The following COBLL1 variants were observed in gnomAD, a reference collection of about 807,000 sequenced individuals.
COBLL1 encodes cordon-bleu WH2 repeat protein like 1.
In COBLL1, 50 loss-of-function variants were observed where a neutral mutation model predicts 94.8. The ratio of observed to expected loss-of-function variants is 0.53; its 90% CI spans 0.42 to 0.67. COBLL1 has a LOEUF of 0.67. Among genes scored for constraint, COBLL1 ranks in the 30% least tolerant of loss-of-function variants. COBLL1 has a pLI of 0.00. For missense variants in COBLL1, 1,362 were observed against 1,348.7 expected (o/e 1.01, Z -0.15); for synonymous variants, 448 against 473.8 (o/e 0.95, Z 0.71).
chr2:164,753,387 T>C (rs6432803), intron 2 of COBLL1, among the ~76,000 whole-genome samples: 41,275 of 151,706 alleles, frequency 0.27, 6,055 homozygotes, highest in East Asian at 0.4. Flanking sequence ...CAATAATCCA[T>C]AGTCCCATCA....
chr2:164,709,078 G>A (rs921592287), intron 7 of COBLL1, among the ~76,000 whole-genome samples: 1 of 152,148 alleles, frequency 6.6e-6, no homozygotes, highest in Non-Finnish European at 1.5e-5. Context: ...CATAACTAAA[G>A]ACAGAATAAC....
chr2:164,828,095 G>C (rs115732846), intron 2 of COBLL1, among the ~76,000 whole-genome samples: 1,713 of 152,174 alleles, frequency 0.011, 12 homozygotes, highest in Middle Eastern at 0.048. Context: ...TTGGTTAATG[G>C]CTATAAAAAT....
In COBLL1 at chr2:164,699,414, G is replaced by C; in HGVS notation, c.1546C>G (p.Gln516Glu). The part of the protein sequence containing the change: ...IRNLKSLGPN[Q>E]ENVVQNEIIV... ...AATTTATATAACTCACCATTCTCTTGGTTTGGGCCCAACGACTTCAAGTTT... is the reference window on the plus strand; with the variant it reads ...AATTTATATAACTCACCATTCTCTTCGTTTGGGCCCAACGACTTCAAGTTT... Residue 516 changes from glutamine (Q) to glutamate (E), a missense_variant, in exon 11 of 14, where the codon CAA becomes GAA. By Grantham distance (29) the Gln-to-Glu change is conservative. Transcript: ENST00000652658. 6.2e-7 allele frequency: 1 copy of C among 1,603,314 alleles called. No homozygotes were observed. Among genetic ancestry groups the C allele is most frequent in the East Asian group, 2.2e-5 (1 of 44,754 alleles).
intron 10 of COBLL1, 53 bp from the exon 11 acceptor site, chr2:164,699,552 T>TACACAC (rs139984226): frequency 1.0e-6 from 1 of 966,020 alleles, no homozygotes; most frequent in Non-Finnish European, 1.7e-6. Context: ...AACACACACA[T>TACACAC]ACACACACAC....
At chr2:164,790,208 A>G (rs954845522) in intron 2 of COBLL1, among the ~76,000 whole-genome samples, 1 of 152,098 alleles carries the variant, frequency 6.6e-6, no homozygotes, top group Non-Finnish European at 1.5e-5. Context: ...AAAGATGTGC[A>G]TGTCAGGTTC....
At chr2:164,662,682 G>A (rs1171031829) in intron 2 of COBLL1, among the ~76,000 whole-genome samples, 1 of 152,088 alleles carries the variant, frequency 6.6e-6, no homozygotes, top group Non-Finnish European at 1.5e-5. Context: ...TTGGTGCTGG[G>A]TTAGCATTAT....
chr2:164,695,544 T>C lies in COBLL1; in HGVS notation c.1848A>G (p.Lys616=), dbSNP rs1683895597. The C allele has an allele frequency of 1.2e-6, 2 of 1,613,998 alleles. No individual in the cohort carries two copies. The highest frequency in any genetic ancestry group is 4.5e-5 in the East Asian group (2 of 44,850). The change falls in exon 12 of 14, where the codon AAA becomes AAG. Residue 616 remains lysine, a synonymous_variant. Coordinates refer to ENST00000652658, the MANE Select transcript of COBLL1 (RefSeq NM_001365672.2). ...TTPSCNSFDG[K]HQDHNLSDSK... Reference sequence around the variant, plus strand: ...AGTCAGATAAATTATGATCTTGGTGTTTCCCATCAAAACTGTTACAAGAAG... The same window carrying C: ...AGTCAGATAAATTATGATCTTGGTGCTTCCCATCAAAACTGTTACAAGAAG...
chr2:164,715,194 A>AT (rs1273339782), intron 7 of COBLL1, among the ~76,000 whole-genome samples: 1 of 152,184 alleles, frequency 6.6e-6, no homozygotes, highest in Non-Finnish European at 1.5e-5. Context: ...TATGTATTAT[A>AT]TCTAGGAAAG....
At chr2:164,735,685 G>A (rs1459464699) in intron 3 of COBLL1, among the ~76,000 whole-genome samples, 1 of 152,136 alleles carries the variant, frequency 6.6e-6, no homozygotes, top group Non-Finnish European at 1.5e-5. Context: ...CGCTTGAATA[G>A]AGCTCAGAAT....
chr2:164,820,963 A>G (rs927948411), intron 2 of COBLL1, among the ~76,000 whole-genome samples: 1 of 152,002 alleles, frequency 6.6e-6, no homozygotes, highest in Non-Finnish European at 1.5e-5. Context: ...TCTTGTCTCA[A>G]TGCAACCTCC....
chr2:164,710,621 G>C (rs1158737360), intron 7 of COBLL1, among the ~76,000 whole-genome samples: 1 of 148,450 alleles, frequency 6.7e-6, no homozygotes, highest in African/African-American at 2.5e-5. Flanking sequence ...CTGGAGTACA[G>C]TGGTGCGATC....
At chr2:164,822,726 A>T (rs1233600243) in intron 2 of COBLL1, among the ~76,000 whole-genome samples, 1 of 74,556 alleles carries the variant, frequency 1.3e-5, no homozygotes, top group Non-Finnish European at 2.8e-5. Context: ...CTCTGAAAAG[A>T]TTATATTATA....
intron 11 of COBLL1, among the ~76,000 whole-genome samples, chr2:164,699,067 T>C (rs1684099672): frequency 7.0e-6 from 1 of 142,364 alleles, no homozygotes; most frequent in Non-Finnish European, 1.5e-5. Flanking sequence ...ATTTTTAAGA[T>C]CCAAAGTCTA....
chr2:164,841,769 C>T lies in COBLL1; in HGVS notation c.-110G>A. ...CTCCCTCGCGGCTTCCTCTCCTACT[C>T]TTCCCTTCCCCGGCCCGCGCTCTTG... On this transcript the variant is annotated 5_prime_UTR_variant, in exon 1 of 14. Coordinates refer to ENST00000652658, the MANE Select transcript of COBLL1 (RefSeq NM_001365672.2). The surrounding 1 kb of genome is among the most constrained non-coding windows in gnomAD (Gnocchi z 5.5). 3 of 558,564 alleles carry T rather than the reference C, an allele frequency of 5.4e-6. No homozygotes were observed. 34.6% of individuals were successfully genotyped at this position (558,564 alleles called of 1,614,324 possible).
chr2:164,790,085 T>A (rs1683108820), intron 2 of COBLL1, among the ~76,000 whole-genome samples: 1 of 152,244 alleles, frequency 6.6e-6, no homozygotes, highest in Admixed American at 6.5e-5. Flanking sequence ...ATAATATTAA[T>A]GAGAATAGAA....
At position 164,841,659 on chromosome 2, in the gene COBLL1, C is replaced by G. The variant is rs1053971147; in HGVS notation, c.-51+51G>C. 9 of 360,826 alleles carry G rather than the reference C, an allele frequency of 2.5e-5. No individual in the cohort carries two copies. The highest frequency in any genetic ancestry group is 4.7e-5 in the Admixed American group (1 of 21,078). The allele number at this position is 360,826 out of a possible 1,614,324, so 22.4% of individuals were successfully genotyped here. ...CAAAACGCCCTAGGAAAACTTTTCC[C>G]GAAGAGAAGTTGGGAGGGCTGATCT... On this transcript the variant is annotated intron_variant, in intron 1 of 13. Transcript: ENST00000652658. This position sits in a 1 kb window ranked among gnomAD's most constrained non-coding sequence, Gnocchi z 5.5.
intron 2 of COBLL1, among the ~76,000 whole-genome samples, chr2:164,788,035 T>C (rs355909): frequency 0.53 from 80,186 of 151,996 alleles, 22,856 homozygotes; most frequent in African/African-American, 0.75. Context: ...TCATACTTTT[T>C]GCACAGGTTA....
rs1029288434 is a variant in COBLL1, at chr2:164,801,305, A to G, written c.41+39851T>C. The stretch of plus-strand genomic sequence containing the variant: ...ATACAAAAAATTAGCCGGGCGTGGT[A>G]GCGGGCGCCTGTAGTCCCAGCTACT... On this transcript the variant is annotated intron_variant, in intron 2 of 13. Coordinates refer to ENST00000652658, the MANE Select transcript of COBLL1 (RefSeq NM_001365672.2). 4.0e-5 allele frequency among the ~76,000 whole-genome samples: 6 copies of G among 150,578 alleles called. 1 individual carries two copies. The highest frequency in any genetic ancestry group is 2.1e-4 in the South Asian group (1 of 4,732).
At chr2:164,782,499 A>G (rs1688764772) in intron 2 of COBLL1, among the ~76,000 whole-genome samples, 1 of 152,154 alleles carries the variant, frequency 6.6e-6, no homozygotes. Context: ...GAAAAAGCAG[A>G]TTAGTAGATG....
Sources: allele counts gnomAD v4.1 joint callset (sites outside exome capture counted in the v4.1 genomes callset), GRCh38; gene constraint gnomAD v4.1.1; non-coding constraint Gnocchi (gnomAD v3.1); transcripts MANE v1.5; gene names NCBI Gene and HGNC (gene_info 2026-07-23, HGNC 2026-07-21).